Variants in MX1 observed in about 807,000 individuals in gnomAD.
The protein encoded by MX1 is interferon-induced GTP-binding protein Mx1.
Under a neutral mutation model 66.4 loss-of-function variants are expected in MX1, and 66 were observed. That is an observed-to-expected ratio of 0.99 (90% CI 0.82 to 1.22). The LOEUF is 1.22. Ranked by LOEUF, MX1 falls within the 50% of genes most tolerant of loss-of-function variation. The pLI is 0.00. For missense variants in MX1, 787 were observed against 834.3 expected (o/e 0.94, Z 0.70); for synonymous variants, 311 against 318.1 (o/e 0.98, Z 0.24).
intron 11 of MX1, 35 bp downstream of exon 11, chr21:41,443,901 G>T (rs1326532950): frequency 5.7e-6 from 9 of 1,591,782 alleles, no homozygotes; most frequent in Non-Finnish European, 6.9e-6. Context: ...TCTCTAAAAA[G>T]AATACTACGA....
At chr21:41,456,094 A>T (rs529723621) in intron 16 of MX1, among the ~76,000 whole-genome samples, 19 of 152,290 alleles carry the variant, frequency 1.2e-4, no homozygotes, top group African/African-American at 4.1e-4. Context: ...ATACAAAAAA[A>T]TTAGCTGTGC....
intron 15 of MX1, among the ~76,000 whole-genome samples, chr21:41,452,054 A>T (rs1436946216): frequency 2.0e-5 from 3 of 152,174 alleles, no homozygotes; most frequent in East Asian, 3.9e-4. Flanking sequence ...CCTCATTCAT[A>T]AAAGAAGACT....
At chr21:41,456,720 C>G (rs1264923713) in intron 16 of MX1, among the ~76,000 whole-genome samples, 2 of 152,010 alleles carry the variant, frequency 1.3e-5, no homozygotes, top group African/African-American at 4.8e-5. Context: ...TCCATCCACA[C>G]TGGCCGCTTT....
In MX1 at chr21:41,443,750, T is replaced by G. The variant is rs1034559566; in HGVS notation, c.930-38T>G. The stretch of plus-strand genomic sequence containing the variant: ...AAAAGGCAGACATGCGTGTTCTGGC[T>G]ACATCAAGGTGGAAATCGGTCCTGT... On this transcript the variant is annotated intron_variant, in intron 10 of 16. Transcript: ENST00000398598. The G allele has an allele frequency of 2.5e-6, 4 of 1,601,128 alleles. No individual in the cohort carries two copies. In the African/African-American group the frequency reaches 4.0e-5, roughly 16 times the overall value.
At chr21:41,454,400 C>T (rs2090910457) in intron 16 of MX1, among the ~76,000 whole-genome samples, 1 of 152,098 alleles carries the variant, frequency 6.6e-6, no homozygotes, top group African/African-American at 2.4e-5. Context: ...ACCTTATGAT[C>T]TCAATTTCAA....
At position 41,445,533 on chromosome 21, in the gene MX1, C is replaced by T. The variant is rs932807248; in HGVS notation, c.1094C>T (p.Pro365Leu). 17 of 1,613,938 alleles carry T rather than the reference C, an allele frequency of 1.1e-5. No individual in the cohort carries two copies. The highest frequency in any genetic ancestry group is 5.3e-5 in the African/African-American group (4 of 74,884). Residue 365 changes from proline (P) to leucine (L), a missense_variant, in exon 12 of 17, where the codon CCG (proline) becomes CTG (leucine). Physicochemically the swap from Pro to Leu is moderately conservative, Grantham distance 98. Transcript: ENST00000398598. ...EELQKYGVDI[P>L]EDENEKMFFL... is the part of the protein sequence containing the mutation. ...CTACAAAAGTATGGTGTCGACATAC[C>T]GGAAGACGAAAATGAAAAAATGTTC... is the stretch of plus-strand genomic sequence containing the variant.
At chr21:41,423,100 G>C (rs459498), upstream of MX1, 1 of 152,598 alleles carries the variant, frequency 6.6e-6, no homozygotes, top group African/African-American at 2.4e-5. Flanking sequence ...TCATTAGGAC[G>C]AACCCAGGCA....
At chr21:41,444,042 C>T (rs1026326585) in intron 11 of MX1, among the ~76,000 whole-genome samples, 176 bp downstream of exon 11, 3 of 152,090 alleles carry the variant, frequency 2.0e-5, no homozygotes, top group Admixed American at 6.5e-5. Context: ...TCCAGCAAGC[C>T]CCCAGACAAT....
intron 16 of MX1, 119 bp downstream of exon 16, chr21:41,452,988 T>A: frequency 8.6e-7 from 1 of 1,160,314 alleles, no homozygotes; most frequent in Non-Finnish European, 1.2e-6. Flanking sequence ...GTTTACCTCC[T>A]TGTTAGCCTC....
intron 16 of MX1, 64 bp from the exon 17 acceptor site, chr21:41,458,464 G>A: frequency 8.5e-7 from 1 of 1,170,942 alleles, no homozygotes; most frequent in Non-Finnish European, 1.1e-6. Context: ...TGCACATGGT[G>A]AGGTCAGAGT....
chr21:41,438,256 G>A (rs149138599), intron 7 of MX1, among the ~76,000 whole-genome samples: 13 of 152,372 alleles, frequency 8.5e-5, no homozygotes, highest in Admixed American at 1.3e-4. Flanking sequence ...AATTAGTTGG[G>A]ATTAGGTTGG....
chr21:41,421,630 G>A (rs2089994883), upstream of MX1, among the ~76,000 whole-genome samples: 2 of 152,170 alleles, frequency 1.3e-5, no homozygotes. Flanking sequence ...GTTTAACAAA[G>A]CACATCTTGC....
intron 16 of MX1, among the ~76,000 whole-genome samples, chr21:41,455,731 T>C (rs1285487754): frequency 6.6e-6 from 1 of 152,258 alleles, no homozygotes; most frequent in African/African-American, 2.4e-5. Context: ...CTTGTTCTTT[T>C]CAATGGCTGC....
chr21:41,457,736 G>C (rs189328152), intron 16 of MX1, among the ~76,000 whole-genome samples: 33 of 152,128 alleles, frequency 2.2e-4, no homozygotes, highest in Middle Eastern at 3.4e-3. Context: ...ACCATTTGGG[G>C]GTACATAGTT....
Position 41,441,961 on chromosome 21 carries a change from T to C in MX1, c.929+47T>C, listed in dbSNP as rs112524931. Reference sequence around the variant, plus strand: ...CATGGATCAGTCCAAGCCCAGGATGTCAGGCCTTCCAGGGGACAGTGGCAG... The same window carrying C: ...CATGGATCAGTCCAAGCCCAGGATGCCAGGCCTTCCAGGGGACAGTGGCAG... On this transcript the variant is annotated intron_variant, in intron 10 of 16. Coordinates refer to ENST00000398598, the MANE Select transcript of MX1 (RefSeq NM_002462.5). This position sits in a 1 kb window ranked among gnomAD's most constrained non-coding sequence, Gnocchi z 4.0. The C allele has an allele frequency of 1.2e-6, 2 of 1,602,924 alleles. No individual in the cohort carries two copies.
chr21:41,446,346 C>T (rs363882), intron 13 of MX1, among the ~76,000 whole-genome samples: 80,008 of 152,016 alleles, frequency 0.53, 21,638 homozygotes, highest in Non-Finnish European at 0.6. Flanking sequence ...GGATAAGGGA[C>T]GAACAAGCTT....
intron 5 of MX1, 37 bp from the exon 6 acceptor site, chr21:41,435,800 C>T (rs367695581): frequency 1.3e-6 from 2 of 1,581,750 alleles, no homozygotes; most frequent in African/African-American, 2.7e-5. Flanking sequence ...GCATGATTTG[C>T]AGGCCATGAA....
chr21:41,435,491 A>G (rs556946111), intron 5 of MX1, among the ~76,000 whole-genome samples: 1 of 152,346 alleles, frequency 6.6e-6, no homozygotes, highest in Admixed American at 6.5e-5. Context: ...TTATAAAGAA[A>G]AGAGGTTTAA....
upstream of MX1, chr21:41,422,695 T>G (rs1157189028): frequency 1.3e-5 from 2 of 152,162 alleles, no homozygotes; most frequent in Non-Finnish European, 2.9e-5. Flanking sequence ...GCACACATCC[T>G]CTGCAATTCA....
Sources: allele counts gnomAD v4.1 joint callset (sites outside exome capture counted in the v4.1 genomes callset), GRCh38; gene constraint gnomAD v4.1.1; non-coding constraint Gnocchi (gnomAD v3.1); transcripts MANE v1.5; gene names NCBI Gene and HGNC (gene_info 2026-07-23, HGNC 2026-07-21).